PRKG1: variants seen among roughly 807,000 people sequenced by gnomAD.
The protein encoded by PRKG1 is cGMP-dependent protein kinase 1.
Under a neutral mutation model 88.1 loss-of-function variants are expected in PRKG1, and 35 were observed. The observed-to-expected ratio is 0.40, with a 90% confidence interval of 0.30 to 0.53. The LOEUF (loss-of-function observed/expected upper bound fraction) is 0.53, where lower values mean the gene tolerates loss of function less well. Ranked by LOEUF, PRKG1 falls within the 20% of genes least tolerant of loss-of-function variation. PRKG1 has a pLI of 0.59. For synonymous variants in PRKG1, 303 were observed against 292.5 expected, an observed-to-expected ratio of 1.04 and a Z score of -0.37; for missense variants, 540 against 839.8, an observed-to-expected ratio of 0.64 and a Z score of 4.41.
chr10:51,655,600 A>T (rs188140460), intron 3 of PRKG1, among the ~76,000 whole-genome samples: 49 of 152,166 alleles, frequency 3.2e-4, no homozygotes, highest in Admixed American at 1.2e-3. Flanking sequence ...AGGAAAAAAA[A>T]ATATATATAC....
At chr10:50,992,788 C>G (rs868798984) in intron 1 of PRKG1, among the ~76,000 whole-genome samples, 1 of 46,208 alleles carries the variant, frequency 2.2e-5, no homozygotes, top group Non-Finnish European at 4.2e-5. Context: ...AGAGGAAGTG[C>G]AGACTCCAAA....
chr10:52,037,605 T>C (rs1845650615), intron 5 of PRKG1, among the ~76,000 whole-genome samples: 1 of 152,180 alleles, frequency 6.6e-6, no homozygotes, highest in Non-Finnish European at 1.5e-5. Context: ...CTATCTGATT[T>C]GGGATAAAGA....
chr10:51,725,628 C>CTT (rs59354639), intron 3 of PRKG1, among the ~76,000 whole-genome samples: 24,049 of 144,966 alleles, frequency 0.17, 2,092 homozygotes, highest in East Asian at 0.21. Context: ...TTTTTCTTTT[C>CTT]TTTTTTTTTT....
intron 12 of PRKG1, among the ~76,000 whole-genome samples, chr10:52,276,206 G>A (rs1387075084): frequency 1.3e-5 from 2 of 152,106 alleles, no homozygotes; most frequent in African/African-American, 4.8e-5. Context: ...CTCTGGCTAG[G>A]ACTTCCAGTA....
chr10:51,883,904 G>C (rs900011726), intron 4 of PRKG1, among the ~76,000 whole-genome samples: 10 of 150,970 alleles, frequency 6.6e-5, no homozygotes, highest in Non-Finnish European at 1.2e-4. Context: ...GTAGAAATAA[G>C]AGACAAAAAA....
chr10:51,944,355 A>G lies in PRKG1; in HGVS notation c.762+36785A>G, dbSNP rs562828055. Among the ~76,000 whole-genome samples the G allele has an allele frequency of 1.1e-4, 17 of 151,508 alleles. 1 individual carries two copies. The highest frequency in any genetic ancestry group is 4.1e-4 in the African/African-American group (17 of 41,114). On this transcript the variant is annotated intron_variant, in intron 5 of 17. Coordinates refer to ENST00000373980, the MANE Select transcript of PRKG1 (RefSeq NM_006258.4). ...TTGATTCTTTTCTCTTTTCTTCTTT[A>G]TTAGTCTTGTTAGCAGTCTATCAAT...
chr10:51,348,425 C>T (rs149703150), intron 2 of PRKG1, among the ~76,000 whole-genome samples: 40 of 152,186 alleles, frequency 2.6e-4, no homozygotes, highest in African/African-American at 8.2e-4. Context: ...TTCCTTACAC[C>T]GTAAGGCAAC....
intron 4 of PRKG1, among the ~76,000 whole-genome samples, chr10:51,826,651 A>T (rs1172019813): frequency 6.6e-6 from 1 of 152,128 alleles, no homozygotes; most frequent in East Asian, 1.9e-4. Context: ...CCTGTCCACA[A>T]GTGTCTACTA....
At chr10:51,825,843 G>T (rs1014573502) in intron 4 of PRKG1, among the ~76,000 whole-genome samples, 2 of 152,126 alleles carry the variant, frequency 1.3e-5, no homozygotes, top group African/African-American at 2.4e-5. Flanking sequence ...AGTCATCAAG[G>T]CTCAAAACCG....
At chr10:51,085,557 A>G (rs1844226431) in intron 1 of PRKG1, among the ~76,000 whole-genome samples, 1 of 152,086 alleles carries the variant, frequency 6.6e-6, no homozygotes, top group Non-Finnish European at 1.5e-5. Flanking sequence ...TTTGGAGGGT[A>G]CCAAAGCTTA....
In PRKG1 at chr10:51,398,754, G is replaced by T. The variant is rs541446211; in HGVS notation, c.479-68969G>T. Among the ~76,000 whole-genome samples the T allele has an allele frequency of 1.6e-3, 238 of 152,294 alleles. 1 individual carries two copies. Among genetic ancestry groups the T allele is most frequent in the African/African-American group, 5.6e-3 (234 of 41,568 alleles). ...GACTAAGTAAAGCAGACTGCTTTAC[G>T]CACCAGTGTGAGTGGCTCTCATCTA... On this transcript the variant is annotated intron_variant, in intron 2 of 17. Coordinates refer to ENST00000373980, the MANE Select transcript of PRKG1 (RefSeq NM_006258.4).
intron 3 of PRKG1, among the ~76,000 whole-genome samples, chr10:51,784,043 G>A (rs1782069070): frequency 6.6e-6 from 1 of 151,976 alleles, no homozygotes; most frequent in Non-Finnish European, 1.5e-5. Flanking sequence ...CATTATATTT[G>A]GTTGCTGCTT....
At chr10:51,887,991 G>A (rs901940676) in intron 4 of PRKG1, among the ~76,000 whole-genome samples, 3 of 152,130 alleles carry the variant, frequency 2.0e-5, no homozygotes, top group African/African-American at 7.2e-5. Flanking sequence ...ATACAGTATT[G>A]TGTTTATTAA....
chr10:52,093,691 C>T (rs949275383), intron 7 of PRKG1, among the ~76,000 whole-genome samples: 1 of 152,152 alleles, frequency 6.6e-6, no homozygotes, highest in Non-Finnish European at 1.5e-5. Context: ...TGCAAATAAT[C>T]ACCTCTGTTT....
intron 2 of PRKG1, among the ~76,000 whole-genome samples, chr10:51,396,579 G>A (rs1380477625): frequency 6.6e-6 from 1 of 152,112 alleles, no homozygotes; most frequent in Non-Finnish European, 1.5e-5. Flanking sequence ...TAGCGCTGTG[G>A]ACCACTGAGT....
At chr10:51,995,251 G>A (rs1178102733) in intron 5 of PRKG1, among the ~76,000 whole-genome samples, 5 of 152,012 alleles carry the variant, frequency 3.3e-5, no homozygotes, top group South Asian at 4.2e-4. Context: ...TAAATTTTGT[G>A]TGTGGTAGGT....
intron 5 of PRKG1, among the ~76,000 whole-genome samples, chr10:51,977,112 C>T (rs1843856180): frequency 6.6e-6 from 1 of 151,970 alleles, no homozygotes; most frequent in Non-Finnish European, 1.5e-5. Context: ...GACCCTCTAC[C>T]TCCAACCACC....
chr10:51,995,097 A>G (rs534945832), intron 5 of PRKG1, among the ~76,000 whole-genome samples: 2 of 152,174 alleles, frequency 1.3e-5, no homozygotes, highest in Non-Finnish European at 2.9e-5. Context: ...TGATCACATA[A>G]ATAGTAAGAG....
chr10:50,999,423 A>G (rs1013347685), intron 1 of PRKG1, among the ~76,000 whole-genome samples: 1 of 152,206 alleles, frequency 6.6e-6, no homozygotes, highest in South Asian at 2.1e-4. Flanking sequence ...TATTTGTAAT[A>G]GGTATATTGC....
Sources: gnomAD v4.1 joint callset for allele counts (sites outside exome capture counted in the v4.1 genomes callset) on GRCh38, gnomAD v4.1.1 for gene constraint, MANE v1.5 for transcripts, NCBI Gene and HGNC (gene_info 2026-07-23, HGNC 2026-07-21) for gene names.